Variants in B3GALT5 observed in about 807,000 individuals in gnomAD.
B3GALT5 encodes UDP-Gal:betaGlcNAc beta 1,3-galactosyltransferase, polypeptide 5.
For missense variants in B3GALT5, 328 were observed against 396.6 expected, an observed-to-expected ratio of 0.83 and a Z score of 1.47; for synonymous variants, 156 against 158.6, an observed-to-expected ratio of 0.98 and a Z score of 0.12.
At chr21:39,632,431 G>C (rs1052897457) in intron 1 of B3GALT5, among the ~76,000 whole-genome samples, 1 of 152,208 alleles carries the variant, frequency 6.6e-6, no homozygotes, top group African/African-American at 2.4e-5. Context: ...CGAGTGGTGA[G>C]TACAGGCTGT....
At chr21:39,642,114 A>G (rs2079294945) in intron 1 of B3GALT5, among the ~76,000 whole-genome samples, 1 of 152,276 alleles carries the variant, frequency 6.6e-6, no homozygotes, top group Non-Finnish European at 1.5e-5. Flanking sequence ...AACAGGCTAC[A>G]AGCTTCAAGC....
chr21:39,658,665 A>G (rs1569221027), intron 2 of B3GALT5, among the ~76,000 whole-genome samples: 1 of 152,062 alleles, frequency 6.6e-6, no homozygotes, highest in Non-Finnish European at 1.5e-5. Context: ...AGAAAGAAAG[A>G]AACTTTGCAG....
rs146225302 is a variant in B3GALT5 at position 39,632,321 on chromosome 21, A to G, written c.-391-14071A>G. On this transcript the variant is annotated intron_variant, in intron 1 of 3. Coordinates refer to ENST00000684187, the MANE Select transcript of B3GALT5 (RefSeq NM_001356336.2). Reference sequence around the variant, plus strand: ...CCTGTGTTAACTATTTTCTGGCCCCAAGTAGGCTATTGGTGACCTTTGGTA... The same window carrying G: ...CCTGTGTTAACTATTTTCTGGCCCCGAGTAGGCTATTGGTGACCTTTGGTA... Among the ~76,000 whole-genome samples the G allele has an allele frequency of 4.4e-3, 677 of 152,306 alleles. 4 individuals carry two copies. The highest frequency in any genetic ancestry group is 7.2e-3 in the Non-Finnish European group (493 of 68,020).
rs569036651 is a variant in B3GALT5, at chr21:39,652,862, A to C, written c.-161+6240A>C. Among the ~76,000 whole-genome samples the C allele has an allele frequency of 3.9e-5, 6 of 152,372 alleles. No individual in the cohort carries two copies. In the South Asian group the frequency reaches 1.2e-3, roughly 32 times the overall value. On this transcript the variant is annotated intron_variant, in intron 2 of 3. Coordinates refer to ENST00000684187, the MANE Select transcript of B3GALT5 (RefSeq NM_001356336.2). ...CTGGCCCATGAAATGCTCTCCCAGA[A>C]ATAGTCGGATTTGTGGTCAAATAAA...
At chr21:39,650,990 T>C (rs62222844) in intron 2 of B3GALT5, among the ~76,000 whole-genome samples, 4 of 151,796 alleles carry the variant, frequency 2.6e-5, no homozygotes, top group African/African-American at 9.7e-5. Flanking sequence ...AAAAAAACCT[T>C]CTTCTAGAGT....
intron 1 of B3GALT5, among the ~76,000 whole-genome samples, chr21:39,644,607 C>A (rs768419851): frequency 1.3e-5 from 2 of 152,220 alleles, no homozygotes; most frequent in East Asian, 1.9e-4. Flanking sequence ...GTCTGACCTT[C>A]GAAACGATGG....
intron 3 of B3GALT5, among the ~76,000 whole-genome samples, chr21:39,660,250 C>T (rs2079497691): frequency 6.6e-6 from 1 of 152,166 alleles, no homozygotes; most frequent in Admixed American, 6.5e-5. Context: ...AGCTGGAGGA[C>T]CGAGTGAGGG....
intron 1 of B3GALT5, among the ~76,000 whole-genome samples, chr21:39,639,351 C>CTTTCTTTTT (rs1569212202): frequency 1.8e-3 from 117 of 63,970 alleles, no homozygotes; most frequent in South Asian, 4.0e-3. Flanking sequence ...TCTTTCTTTC[C>CTTTCTTTTT]TTCCTTCCTT....
Position 39,661,359 on chromosome 21 carries a change from T to A in B3GALT5, c.800T>A (p.Phe267Tyr), listed in dbSNP as rs1422925091. 1.2e-6 allele frequency: 2 copies of A among 1,610,726 alleles called. No individual in the cohort carries two copies. The highest frequency in any genetic ancestry group is 1.7e-6 in the Non-Finnish European group (2 of 1,178,536). The change falls in exon 4 of 4, where the codon TTT (phenylalanine) becomes TAT (tyrosine). Residue 267 changes from phenylalanine to tyrosine, a missense_variant. Phe to Tyr is a conservative substitution (Grantham distance 22, BLOSUM62 3). Coordinates refer to ENST00000684187, the MANE Select transcript of B3GALT5 (RefSeq NM_001356336.2). The surrounding 1 kb of genome is among the most constrained non-coding windows in gnomAD (Gnocchi z 4.7). ...GAGCTCCACTCCCAGCCGACCTTTTTTCCAGGGGGCTTACGCTTCTCCGTA... is the reference window on the plus strand; with the variant it reads ...GAGCTCCACTCCCAGCCGACCTTTTATCCAGGGGGCTTACGCTTCTCCGTA... The part of the protein sequence containing the change: ...LEELHSQPTF[F>Y]PGGLRFSVCL...
intron 1 of B3GALT5, among the ~76,000 whole-genome samples, chr21:39,636,608 G>A (rs1424496000): frequency 6.6e-6 from 1 of 152,082 alleles, no homozygotes; most frequent in Non-Finnish European, 1.5e-5. Context: ...ATCTTCTTGA[G>A]GGGCTGTGCA....
chr21:39,631,298 G>T (rs576071307), intron 1 of B3GALT5, among the ~76,000 whole-genome samples: 28 of 152,264 alleles, frequency 1.8e-4, no homozygotes, highest in African/African-American at 6.7e-4. Context: ...ATCTCTCCAG[G>T]TTTCTGCTGG....
At chr21:39,650,091 A>G (rs181839880) in intron 2 of B3GALT5, among the ~76,000 whole-genome samples, 324 of 152,222 alleles carry the variant, frequency 2.1e-3, no homozygotes, top group Admixed American at 5.0e-3. Context: ...TGCCTGCCCC[A>G]GGGGAGGTGA....
rs2079592366 is a variant in B3GALT5 at position 39,667,902 on chromosome 21, G to T, written c.*6410G>T. The T allele has an allele frequency of 6.6e-6, 1 of 152,258 alleles. No homozygotes were observed. The highest frequency in any genetic ancestry group is 1.5e-5 in the Non-Finnish European group (1 of 68,086). The allele number at this position is 152,258 out of a possible 1,614,324, so 9.4% of individuals were successfully genotyped here. A position where few individuals can be genotyped will look rare whatever the true frequency, so the allele number is the denominator to read the frequency against. On this transcript the variant is annotated 3_prime_UTR_variant, in exon 4 of 4. Coordinates refer to ENST00000684187, the MANE Select transcript of B3GALT5 (RefSeq NM_001356336.2). ...AATTTGCTAGCTGTGGCCCCAGGTG[G>T]TCATTCTCTCTGCACCTCAGTCTCT...
chr21:39,646,108 G>A (rs2079336403), intron 1 of B3GALT5, among the ~76,000 whole-genome samples: 1 of 151,916 alleles, frequency 6.6e-6, no homozygotes, highest in Non-Finnish European at 1.5e-5. Flanking sequence ...AATGCGTGGT[G>A]CGACCGAAGG....
intron 2 of B3GALT5, among the ~76,000 whole-genome samples, chr21:39,655,360 T>C (rs1459438104): frequency 6.6e-6 from 1 of 152,234 alleles, no homozygotes; most frequent in East Asian, 1.9e-4. Context: ...TTCACCATCG[T>C]GCTGCAAGAG....
chr21:39,621,835 G>A (rs2079136014), intron 1 of B3GALT5, among the ~76,000 whole-genome samples: 1 of 151,636 alleles, frequency 6.6e-6, no homozygotes, highest in African/African-American at 2.4e-5. Flanking sequence ...TGCTTTATTA[G>A]TTTTTCTGAA....
rs535784357 is a variant in B3GALT5 at position 39,670,802 on chromosome 21, T to C, written c.*9310T>C. The C allele has an allele frequency of 1.3e-5, 2 of 152,312 alleles. No individual in the cohort carries two copies. The highest frequency in any genetic ancestry group is 4.8e-5 in the African/African-American group (2 of 41,566). The allele number at this position is 152,312 out of a possible 1,614,324, so 9.4% of individuals were successfully genotyped here. On this transcript the variant is annotated 3_prime_UTR_variant, in exon 4 of 4. Transcript: ENST00000684187. ...AAGAGTCTATGGCTCTGTGATATAT[T>C]AAATCAGGCTTGTTAATTATTTAAT...
At chr21:39,641,299 T>C (rs911419049) in intron 1 of B3GALT5, among the ~76,000 whole-genome samples, 7 of 152,234 alleles carry the variant, frequency 4.6e-5, no homozygotes, top group Non-Finnish European at 7.3e-5. Flanking sequence ...TGCCTGGGAT[T>C]TCCACAGTTA....
chr21:39,638,705 AAC>A (rs2079247692), intron 1 of B3GALT5, among the ~76,000 whole-genome samples: 1 of 152,160 alleles, frequency 6.6e-6, no homozygotes, highest in East Asian at 1.9e-4. Flanking sequence ...AACACCCTGG[AAC>A]ACACGCCCAC....
Sources: gnomAD v4.1 joint callset for allele counts (sites outside exome capture counted in the v4.1 genomes callset) on GRCh38, gnomAD v4.1.1 for gene constraint, Gnocchi (gnomAD v3.1) non-coding constraint, MANE v1.5 for transcripts, NCBI Gene and HGNC (gene_info 2026-07-23, HGNC 2026-07-21) for gene names.